Variants in GSTM3 observed in about 807,000 individuals in gnomAD.
GSTM3 encodes the protein glutathione S-transferase mu 3.
Under a neutral mutation model 36.1 loss-of-function variants are expected in GSTM3, and 34 were observed. The ratio of observed to expected loss-of-function variants is 0.94; its 90% CI spans 0.72 to 1.25. The LOEUF is 1.25. Ranked by LOEUF, GSTM3 falls within the 50% of genes most tolerant of loss-of-function variation. GSTM3 has a pLI of 0.00. For synonymous variants in GSTM3, 102 were observed against 99.5 expected (o/e 1.03, Z -0.15); for missense variants, 266 against 281.6 (o/e 0.94, Z 0.40).
chr1:109,739,997 T>A (rs372392538), intron 2 of GSTM3, 89 bp from the exon 3 acceptor site: 2 of 1,120,294 alleles, frequency 1.8e-6, no homozygotes, highest in Non-Finnish European at 2.6e-6. Flanking sequence ...GGCTGCCGAG[T>A]CCCTGCGTCC....
intron 8 of GSTM3, 90 bp downstream of exon 8, chr1:109,737,367 A>G (rs1383207905): frequency 1.1e-6 from 1 of 935,934 alleles, no homozygotes; most frequent in Admixed American, 1.8e-5. Flanking sequence ...ATTAGGCAAA[A>G]GCCGGGGAAG....
At chr1:109,737,205 C>T (rs1649226846) in intron 8 of GSTM3, 36 bp from the exon 9 acceptor site, 1 of 1,356,040 alleles carries the variant, frequency 7.4e-7, no homozygotes, top group East Asian at 2.3e-5. Context: ...ATAACGACCC[C>T]AACCCAGTCC....
At chr1:109,737,354 C>A (rs766842338) in intron 8 of GSTM3, 103 bp downstream of exon 8, 1 of 873,484 alleles carries the variant, frequency 1.1e-6, no homozygotes, top group Non-Finnish European at 2.0e-6. Flanking sequence ...AACCATTGAT[C>A]CCATTAGGCA....
Position 109,739,468 on chromosome 1 carries a change from C to A in GSTM3, c.150G>T (p.Trp50Cys). 6.2e-7 allele frequency: 1 copy of A among 1,612,634 alleles called. No individual in the cohort carries two copies. Among genetic ancestry groups the A allele is most frequent in the Non-Finnish European group, 8.5e-7 (1 of 1,178,870 alleles). The change falls in exon 4 of 9, where the codon TGG becomes TGT. Residue 50 changes from tryptophan to cysteine, a missense_variant. By Grantham distance (215) the Trp-to-Cys change is radical (BLOSUM62 -2). Transcript: ENST00000361066. ...GEAPDYDRSQ[W>C]LDVKFKLDLD... The stretch of plus-strand genomic sequence containing the variant: ...GGTCTAGCTTGAATTTCACATCCAG[C>A]CATTGGCTTCGATCATAGTCAGGAG...
chr1:109,735,617 A>C lies in GSTM3; in HGVS notation c.*1454T>G, dbSNP rs1649174861. 1 of 134,064 alleles carries C rather than the reference A, an allele frequency of 7.5e-6. No individual in the cohort carries two copies. The highest frequency in any genetic ancestry group is 2.8e-5 in the African/African-American group (1 of 35,182). The allele number at this position is 134,064 out of a possible 1,614,324, so 8.3% of individuals were successfully genotyped here. ...ACAATGCCACAGTGAACATCTTAGT[A>C]TATGTCTCTTTGAATGTTTTTTTTT... On this transcript the variant is annotated 3_prime_UTR_variant, in exon 9 of 9. Transcript: ENST00000361066.
intron 4 of GSTM3, 55 bp downstream of exon 4, chr1:109,739,374 T>C (rs1245493640): frequency 8.3e-7 from 1 of 1,211,414 alleles, no homozygotes; most frequent in African/African-American, 1.5e-5. Context: ...GAGGCAAGGA[T>C]GGATATACTT....
intron 4 of GSTM3, 32 bp from the exon 5 acceptor site, chr1:109,738,398 C>T: frequency 7.1e-7 from 1 of 1,411,900 alleles, no homozygotes; most frequent in South Asian, 1.2e-5. Flanking sequence ...AAATGAACAA[C>T]CTGCCTCTCT....
chr1:109,739,207 C>A (rs1272841031), intron 4 of GSTM3, among the ~76,000 whole-genome samples: 10 of 152,232 alleles, frequency 6.6e-5, no homozygotes, highest in Admixed American at 2.0e-4. Flanking sequence ...TAACCAATGT[C>A]ACTTATTGTC....
chr1:109,740,066 C>T, intron 2 of GSTM3, 158 bp from the exon 3 acceptor site: 1 of 875,322 alleles, frequency 1.1e-6, no homozygotes, highest in South Asian at 1.6e-5. Flanking sequence ...TCCTCCGCCC[C>T]TCCCCACAGG....
Position 109,739,841 on chromosome 1 carries a change from C to G in GSTM3, c.116G>C (p.Cys39Ser). 1 of 1,551,326 alleles carries G rather than the reference C, an allele frequency of 6.4e-7. No individual in the cohort carries two copies. Among genetic ancestry groups the G allele is most frequent in the Non-Finnish European group, 8.7e-7 (1 of 1,146,140 alleles). The change falls in exon 3 of 9, where the codon TGC becomes TCC. Residue 39 changes from cysteine (C) to serine (S), a missense_variant. By Grantham distance (112) the Cys-to-Ser change is moderately radical. Coordinates refer to ENST00000361066, the MANE Select transcript of GSTM3 (RefSeq NM_000849.5). ...ACGCGGAGCGGCATTACCTTCCCCG[C>G]ACGTGTACCGTTTCTCCTCATAAGA... ...DTSYEEKRYT[C>S]GEAPDYDRSQ...
At chr1:109,740,602 G>T in intron 1 of GSTM3, 91 bp from the exon 2 acceptor site, 1 of 394,682 alleles carries the variant, frequency 2.5e-6, no homozygotes, top group South Asian at 3.0e-5. Context: ...CAGTGAAGAC[G>T]CGAAAAGCAC....
intron 8 of GSTM3, 97 bp downstream of exon 8, chr1:109,737,360 A>T: frequency 1.1e-6 from 1 of 895,074 alleles, no homozygotes; most frequent in Non-Finnish European, 1.9e-6. Context: ...TGATCCCATT[A>T]GGCAAAAGCC....
Position 109,737,739 on chromosome 1 carries a change from G to C in GSTM3, c.385C>G (p.Pro129Ala). 1.9e-6 allele frequency: 3 copies of C among 1,588,156 alleles called. No individual in the cohort carries two copies. The highest frequency in any genetic ancestry group is 1.1e-5 in the South Asian group (1 of 88,136). ...CYSSDHEKLK[P>A]QYLEELPGQL... The stretch of plus-strand genomic sequence containing the variant: ...CCAGGTAGCTCTTCCAAGTACTGAG[G>C]CTTCAGTTTTTCCTGAGAGGAAAAA... Residue 129 changes from proline to alanine, a missense_variant, in exon 7 of 9, where the codon CCT (proline) becomes GCT (alanine). Coordinates refer to ENST00000361066, the MANE Select transcript of GSTM3 (RefSeq NM_000849.5).
In GSTM3 at chr1:109,735,009, C is replaced by A. The variant is rs961836135; in HGVS notation, c.*2062G>T. The A allele has an allele frequency of 1.3e-5, 2 of 152,270 alleles. No individual in the cohort carries two copies. Among genetic ancestry groups the A allele is most frequent in the African/African-American group, 2.4e-5 (1 of 41,462 alleles). The allele number at this position is 152,270 out of a possible 1,614,324, so 9.4% of individuals were successfully genotyped here. On this transcript the variant is annotated 3_prime_UTR_variant, in exon 9 of 9. Transcript: ENST00000361066. The stretch of plus-strand genomic sequence containing the variant: ...TTTCTAAAAACTAGTTTCTACTACA[C>A]AAGCAATGCATGAGCACATTCTCTT...
rs183587317 is a variant in GSTM3, at chr1:109,736,135, T to C, written c.*936A>G. ...GAAATATGGTTTCTCACTGTTGTAATTGATAATTCCTTACATCATAAACAT... is the reference window on the plus strand; with the variant it reads ...GAAATATGGTTTCTCACTGTTGTAACTGATAATTCCTTACATCATAAACAT... On this transcript the variant is annotated 3_prime_UTR_variant, in exon 9 of 9. Coordinates refer to ENST00000361066, the MANE Select transcript of GSTM3 (RefSeq NM_000849.5). 66 of 152,258 alleles carry C rather than the reference T, an allele frequency of 4.3e-4. No homozygotes were observed. The highest frequency in any genetic ancestry group is 1.3e-3 in the African/African-American group (53 of 41,474). 9.4% of individuals were successfully genotyped at this position (152,258 alleles called of 1,614,324 possible).
At chr1:109,738,802 C>T (rs1649285225) in intron 4 of GSTM3, among the ~76,000 whole-genome samples, 1 of 152,098 alleles carries the variant, frequency 6.6e-6, no homozygotes, top group Non-Finnish European at 1.5e-5. Flanking sequence ...AAAATATCTG[C>T]AACGCATGTT....
At position 109,734,928 on chromosome 1, in the gene GSTM3, GGA is replaced by G. The variant is rs1649158829; in HGVS notation, c.*2141_*2142del. On this transcript the variant is annotated 3_prime_UTR_variant, in exon 9 of 9. Coordinates refer to ENST00000361066, the MANE Select transcript of GSTM3 (RefSeq NM_000849.5). ...ACTATTCAGACTCTGCTCTGTGAAA[GGA>G]GAGTGGTGCCAAGTCATCTCCACAG... is the stretch of plus-strand genomic sequence containing the variant. 6.6e-6 allele frequency: 1 copy of G among 152,294 alleles called. No homozygotes were observed. Among genetic ancestry groups the G allele is most frequent in the East Asian group, 1.9e-4 (1 of 5,208 alleles). The allele number at this position is 152,294 out of a possible 1,614,324, so 9.4% of individuals were successfully genotyped here. A position where few individuals can be genotyped will look rare whatever the true frequency, so the allele number is the denominator to read the frequency against.
At chr1:109,740,555 C>T (rs1352089563) in intron 1 of GSTM3, 44 bp from the exon 2 acceptor site, 3 of 519,674 alleles carry the variant, frequency 5.8e-6, no homozygotes, top group South Asian at 4.6e-5. Flanking sequence ...CCTCCCTTCC[C>T]CGCGGGTGGG....
Position 109,737,050 on chromosome 1 carries a change from C to A in GSTM3, c.*21G>T. The A allele has an allele frequency of 6.8e-7, 1 of 1,479,212 alleles. No homozygotes were observed. The highest frequency in any genetic ancestry group is 9.5e-7 in the Non-Finnish European group (1 of 1,057,246). The allele number at this position is 1,479,212 out of a possible 1,614,324, so 91.6% of individuals were successfully genotyped here. ...TACGGACAGGATGAAACAAAACAAG[C>A]TCTGCAAGTCTGCCTCCTGCTCAGC... On this transcript the variant is annotated 3_prime_UTR_variant, in exon 9 of 9. Transcript: ENST00000361066.
Sources: allele counts gnomAD v4.1 joint callset (sites outside exome capture counted in the v4.1 genomes callset), GRCh38; gene constraint gnomAD v4.1.1; transcripts MANE v1.5; gene names NCBI Gene and HGNC (gene_info 2026-07-23, HGNC 2026-07-21).